RIGI: variants seen among roughly 807,000 people sequenced by gnomAD.
The protein encoded by RIGI is RNA sensor RIG-I.
the RIGI span, chr9:32,487,854 A>C: frequency 1.4e-6 from 2 of 1,459,436 alleles, no homozygotes; most frequent in Non-Finnish European, 1.9e-6. Context: ...GGGACCTGAG[A>C]AGGACATCTT....
At chr9:32,485,785 C>T in the RIGI span, among the ~76,000 whole-genome samples, 1 of 152,070 alleles carries the variant, frequency 6.6e-6, no homozygotes, top group Non-Finnish European at 1.5e-5. Flanking sequence ...GTGACCCACC[C>T]GCCTTGGCCT....
the RIGI span, among the ~76,000 whole-genome samples, chr9:32,475,500 C>T: frequency 6.6e-6 from 1 of 151,966 alleles, no homozygotes; most frequent in African/African-American, 2.4e-5. Flanking sequence ...GAAACAGATC[C>T]ATGCAAATAT....
the RIGI span, chr9:32,500,917 A>G: frequency 6.2e-7 from 1 of 1,614,166 alleles, no homozygotes; most frequent in Non-Finnish European, 8.5e-7. Context: ...TGTTTTTCTC[A>G]GCCTGAATAT....
At chr9:32,511,511 T>A in the RIGI span, among the ~76,000 whole-genome samples, 1 of 152,140 alleles carries the variant, frequency 6.6e-6, no homozygotes, top group African/African-American at 2.4e-5. Context: ...AAGGCAGAAA[T>A]AAATAAGTTC....
the RIGI span, among the ~76,000 whole-genome samples, chr9:32,474,201 T>G: frequency 4.3e-5 from 1 of 23,238 alleles, no homozygotes; most frequent in Non-Finnish European, 8.7e-5. Flanking sequence ...AGACCCTGTC[T>G]CAAAAAAAAA....
At chr9:32,487,999 G>A in the RIGI span, 3 of 1,614,030 alleles carry the variant, frequency 1.9e-6, no homozygotes, top group Non-Finnish European at 2.5e-6. Flanking sequence ...AATTAAACAT[G>A]ATCATATTGT....
the RIGI span, among the ~76,000 whole-genome samples, chr9:32,467,538 G>A: frequency 1.3e-5 from 2 of 152,158 alleles, no homozygotes; most frequent in African/African-American, 4.8e-5. Flanking sequence ...AAATATATCA[G>A]TCAATGCCAG....
the RIGI span, chr9:32,526,016 T>G: frequency 7.1e-7 from 1 of 1,407,102 alleles, no homozygotes; most frequent in Non-Finnish European, 1.0e-6. Context: ...GAAAAACAAG[T>G]CCTCAATTGT....
the RIGI span, among the ~76,000 whole-genome samples, chr9:32,490,679 C>T: frequency 2.6e-5 from 4 of 152,116 alleles, no homozygotes; most frequent in African/African-American, 4.8e-5. Context: ...TGCAACTTGC[C>T]GGTCTCATAA....
chr9:32,523,865 T>C, the RIGI span, among the ~76,000 whole-genome samples: 2 of 151,882 alleles, frequency 1.3e-5, no homozygotes, highest in Admixed American at 1.3e-4. Context: ...TCTGCTTGCC[T>C]GTCAAGTTTC....
chr9:32,521,150 A>AAAAAAAAAAAC, the RIGI span, among the ~76,000 whole-genome samples: 1 of 150,262 alleles, frequency 6.7e-6, no homozygotes, highest in African/African-American at 2.4e-5. Context: ...AAAAAAAAAA[A>AAAAAAAAAAAC]AAAAAAAAAA....
At chr9:32,526,023 T>C in the RIGI span, 1 of 1,495,786 alleles carries the variant, frequency 6.7e-7, no homozygotes, top group Non-Finnish European at 9.3e-7. Context: ...AAGTCCTCAA[T>C]TGTTTTCCGC....
At chr9:32,459,897 G>C in the RIGI span, among the ~76,000 whole-genome samples, 1 of 152,166 alleles carries the variant, frequency 6.6e-6, no homozygotes, top group Non-Finnish European at 1.5e-5. Context: ...ATATCCATTT[G>C]CAGGCACAAA....
the RIGI span, among the ~76,000 whole-genome samples, chr9:32,511,629 G>A: frequency 6.6e-6 from 1 of 151,738 alleles, no homozygotes; most frequent in Admixed American, 6.6e-5. Flanking sequence ...GGAGAAAGAG[G>A]GAAAGATCTA....
At chr9:32,479,906 A>G in the RIGI span, among the ~76,000 whole-genome samples, 1 of 150,432 alleles carries the variant, frequency 6.6e-6, no homozygotes, top group African/African-American at 2.5e-5. Flanking sequence ...TCATATTTTT[A>G]AAGCTTTATA....
the RIGI span, among the ~76,000 whole-genome samples, chr9:32,496,694 C>A: frequency 1.3e-5 from 2 of 152,126 alleles, no homozygotes; most frequent in Non-Finnish European, 2.9e-5. Context: ...TATACATATC[C>A]CATCATATGT....
chr9:32,502,783 T>C, the RIGI span, among the ~76,000 whole-genome samples: 1 of 152,218 alleles, frequency 6.6e-6, no homozygotes, highest in African/African-American at 2.4e-5. Context: ...TTTCTCTGGC[T>C]TGTGGCCACA....
chr9:32,501,052 T>A, the RIGI span: 2 of 1,301,692 alleles, frequency 1.5e-6, no homozygotes, highest in East Asian at 4.7e-5. Flanking sequence ...TTGTACCAAG[T>A]CACAGCATTG....
chr9:32,488,428 G>C, the RIGI span, among the ~76,000 whole-genome samples: 1 of 152,130 alleles, frequency 6.6e-6, no homozygotes, highest in African/African-American at 2.4e-5. Flanking sequence ...CACTAAGAGA[G>C]AAAAGAGTAC....
Sources: allele counts gnomAD v4.1 joint callset (sites outside exome capture counted in the v4.1 genomes callset), GRCh38; gene constraint gnomAD v4.1.1; transcripts MANE v1.5; gene names NCBI Gene and HGNC (gene_info 2026-07-23, HGNC 2026-07-21).